The following GUCY2C variants were observed in gnomAD, a reference collection of about 807,000 sequenced individuals.
GUCY2C encodes guanylate cyclase 2C, also known as guanylyl cyclase C.
A neutral mutation model predicts 131.1 loss-of-function variants in GUCY2C; 118 were observed. The observed-to-expected ratio is 0.90, with a 90% confidence interval of 0.78 to 1.05. The LOEUF is 1.05. GUCY2C is among the 50% of genes least tolerant of loss of function. The pLI is 0.00. For missense variants in GUCY2C, 1,161 were observed against 1,304.4 expected, an observed-to-expected ratio of 0.89 and a Z score of 1.69; for synonymous variants, 452 against 457.8, an observed-to-expected ratio of 0.99 and a Z score of 0.16.
chr12:14,620,916 C>CA, intron 23 of GUCY2C, 126 bp downstream of exon 23: 3 of 738,496 alleles, frequency 4.1e-6, no homozygotes, highest in Non-Finnish European at 4.3e-6. Flanking sequence ...TCACATTTGG[C>CA]AAAAAGAATT....
intron 19 of GUCY2C, among the ~76,000 whole-genome samples, chr12:14,630,892 A>G (rs1425504166): frequency 6.6e-6 from 1 of 152,196 alleles, no homozygotes; most frequent in Non-Finnish European, 1.5e-5. Flanking sequence ...AGGTTTTAAT[A>G]TTTGGATATA....
chr12:14,623,222 A>G (rs1436094199), intron 21 of GUCY2C, among the ~76,000 whole-genome samples: 1 of 152,156 alleles, frequency 6.6e-6, no homozygotes, highest in East Asian at 1.9e-4. Flanking sequence ...CTTTTTTTGC[A>G]TTACACTCCC....
intron 12 of GUCY2C, among the ~76,000 whole-genome samples, chr12:14,653,349 T>C (rs1737367267): frequency 6.6e-6 from 1 of 152,172 alleles, no homozygotes; most frequent in African/African-American, 2.4e-5. Flanking sequence ...ATAGATGCTC[T>C]TGGGGAAGGA....
At chr12:14,632,025 T>A (rs1029324156) in intron 19 of GUCY2C, among the ~76,000 whole-genome samples, 34 of 152,176 alleles carry the variant, frequency 2.2e-4, no homozygotes, top group Non-Finnish European at 4.0e-4. Context: ...TGCATAAATG[T>A]CTTCTTTTGA....
chr12:14,622,262 T>A, intron 21 of GUCY2C, 65 bp from the exon 22 acceptor site: 1 of 1,052,610 alleles, frequency 9.5e-7, no homozygotes. Context: ...TTCACATAAA[T>A]CTTTCAGGTA....
chr12:14,614,772 C>G lies in GUCY2C; in HGVS notation c.3047+95G>C, dbSNP rs563636077. 1,207 of 701,902 alleles carry G rather than the reference C, an allele frequency of 1.7e-3. 3 individuals carry two copies. The highest frequency in any genetic ancestry group is 2.6e-3 in the Non-Finnish European group (1,051 of 407,488). 43.5% of individuals were successfully genotyped at this position (701,902 alleles called of 1,614,324 possible). A position where few individuals can be genotyped will look rare whatever the true frequency, so the allele number is the denominator to read the frequency against. Reference sequence around the variant, plus strand: ...TCCCTTACTTCTTATGCAATATATGCCACTTGTAAGGCATTTGCCAATTTA... The same window carrying G: ...TCCCTTACTTCTTATGCAATATATGGCACTTGTAAGGCATTTGCCAATTTA... On this transcript the variant is annotated intron_variant, in intron 26 of 26. Transcript: ENST00000261170.
chr12:14,617,351 G>GT (rs1946787770), intron 24 of GUCY2C, among the ~76,000 whole-genome samples: 1 of 152,124 alleles, frequency 6.6e-6, no homozygotes, highest in South Asian at 2.1e-4. Context: ...AGTTTTCAGG[G>GT]CCCTGCGTGA....
chr12:14,648,585 C>T (rs1393009840), intron 15 of GUCY2C, among the ~76,000 whole-genome samples: 1 of 152,190 alleles, frequency 6.6e-6, no homozygotes, highest in Admixed American at 6.5e-5. Flanking sequence ...ATGTAATCCT[C>T]TTTGTTTTTT....
In GUCY2C at chr12:14,676,928, T is replaced by C. The variant is rs1275058141; in HGVS notation, c.874A>G (p.Lys292Glu). 6 of 1,572,244 alleles carry C rather than the reference T, an allele frequency of 3.8e-6. No homozygotes were observed. Among genetic ancestry groups the C allele is most frequent in the Admixed American group, 1.7e-5 (1 of 59,140 alleles). ...GACAGCGTCAGAACAAGGACATTTT[T>C]CATATAGTCAGGGGCTGTGACATTG... ...EDNVTAPDYM[K>E]NVLVLTLSPG... The change falls in exon 7 of 27, where the codon AAA becomes GAA. Residue 292 changes from lysine to glutamate, a missense_variant. Lys to Glu is a moderately conservative substitution (Grantham distance 56, BLOSUM62 1). Coordinates refer to ENST00000261170, the MANE Select transcript of GUCY2C (RefSeq NM_004963.4).
At chr12:14,684,404 T>C (rs1261325810) in intron 3 of GUCY2C, among the ~76,000 whole-genome samples, 1 of 152,124 alleles carries the variant, frequency 6.6e-6, no homozygotes, top group Non-Finnish European at 1.5e-5. Flanking sequence ...TTCTTCAACA[T>C]GCAAACAATC....
At chr12:14,646,586 AAAG>A (rs1436501302) in intron 15 of GUCY2C, among the ~76,000 whole-genome samples, 3 of 152,238 alleles carry the variant, frequency 2.0e-5, no homozygotes, top group Non-Finnish European at 4.4e-5. Flanking sequence ...ACAATATAAA[AAAG>A]AAGAATATAA....
intron 13 of GUCY2C, 104 bp downstream of exon 13, chr12:14,652,848 G>T: frequency 1.2e-6 from 1 of 806,530 alleles, no homozygotes; most frequent in South Asian, 1.4e-5. Context: ...AACAGACTGG[G>T]GACTCCCACC....
chr12:14,618,318 G>A (rs570553704), intron 24 of GUCY2C, among the ~76,000 whole-genome samples: 1 of 151,402 alleles, frequency 6.6e-6, no homozygotes, highest in Non-Finnish European at 1.5e-5. Context: ...TCTGTGACCA[G>A]CCTAGACAAC....
At chr12:14,644,038 G>A (rs746607712) in intron 16 of GUCY2C, among the ~76,000 whole-genome samples, 1 of 152,096 alleles carries the variant, frequency 6.6e-6, no homozygotes, top group Admixed American at 6.5e-5. Context: ...ACCCTGGGTA[G>A]GTCTCTGGTC....
rs1042239778 is a variant in GUCY2C, at chr12:14,625,971, C to G, written c.2250-56G>C. The G allele has an allele frequency of 2.8e-5, 28 of 990,664 alleles. No homozygotes were observed. The Admixed American group carries it at 4.7e-4, about 17-fold the overall frequency. 61.4% of individuals were successfully genotyped at this position (990,664 alleles called of 1,614,324 possible). ...TATATTATTAAGAAAACATGAACAT[C>G]CAATAAAACAATGGACAAATATGAT... is the stretch of plus-strand genomic sequence containing the variant. On this transcript the variant is annotated intron_variant, in intron 20 of 26. Coordinates refer to ENST00000261170, the MANE Select transcript of GUCY2C (RefSeq NM_004963.4).
At chr12:14,689,270 A>G (rs1193416093) in intron 1 of GUCY2C, among the ~76,000 whole-genome samples, 1 of 152,128 alleles carries the variant, frequency 6.6e-6, no homozygotes, top group African/African-American at 2.4e-5. Flanking sequence ...GAATAACGCC[A>G]ATATTTTTGG....
intron 23 of GUCY2C, among the ~76,000 whole-genome samples, chr12:14,619,906 T>C (rs116370545): frequency 0.01 from 1,564 of 152,324 alleles, 39 homozygotes; most frequent in African/African-American, 0.036. Flanking sequence ...CTATGCGCTG[T>C]GGCATATTAG....
At chr12:14,678,993 A>G (rs904109427) in intron 6 of GUCY2C, among the ~76,000 whole-genome samples, 4 of 152,162 alleles carry the variant, frequency 2.6e-5, no homozygotes, top group Non-Finnish European at 4.4e-5. Context: ...CCTAGTGACT[A>G]CGCCACAGAG....
chr12:14,621,427 TA>T (rs1472395771), intron 22 of GUCY2C, among the ~76,000 whole-genome samples: 1 of 152,202 alleles, frequency 6.6e-6, no homozygotes, highest in Non-Finnish European at 1.5e-5. Context: ...AAAATAGCTA[TA>T]AAGGAATTTA....
Sources: gnomAD v4.1 joint callset for allele counts (sites outside exome capture counted in the v4.1 genomes callset) on GRCh38, gnomAD v4.1.1 for gene constraint, MANE v1.5 for transcripts, NCBI Gene and HGNC (gene_info 2026-07-23, HGNC 2026-07-21) for gene names.